Variants in SLC9B1 observed in about 807,000 individuals in gnomAD.
SLC9B1 encodes the protein sodium/hydrogen exchanger 9B1.
Under a neutral mutation model 51.7 loss-of-function variants are expected in SLC9B1, and 32 were observed. The observed-to-expected ratio is 0.62, with a 90% confidence interval of 0.47 to 0.83. The LOEUF (loss-of-function observed/expected upper bound fraction) is 0.83. Among genes scored for constraint, SLC9B1 ranks in the 40% least tolerant of loss-of-function variants. The pLI is 0.00. For missense variants in SLC9B1, 406 were observed against 613.2 expected, an observed-to-expected ratio of 0.66 and a Z score of 3.57; for synonymous variants, 145 against 212.7, an observed-to-expected ratio of 0.68 and a Z score of 2.77.
chr4:102,974,485 C>T (rs1738952494), intron 3 of SLC9B1, among the ~76,000 whole-genome samples: 1 of 151,852 alleles, frequency 6.6e-6, no homozygotes, highest in Admixed American at 6.6e-5. Context: ...TGAAATGTAA[C>T]ATAAAATATG....
At chr4:102,908,405 TACAC>T (rs1357108472) in intron 9 of SLC9B1, among the ~76,000 whole-genome samples, 2 of 83,276 alleles carry the variant, frequency 2.4e-5, no homozygotes, top group Admixed American at 1.3e-4. Context: ...TATATATACA[TACAC>T]ACACATCAGG....
chr4:102,996,524 G>T (rs1483556640), intron 1 of SLC9B1, among the ~76,000 whole-genome samples: 1 of 152,052 alleles, frequency 6.6e-6, no homozygotes, highest in Non-Finnish European at 1.5e-5. Flanking sequence ...CATAGGAAAG[G>T]AACAACAACA....
chr4:102,962,417 T>C (rs899651804), intron 3 of SLC9B1: 13 of 530,116 alleles, frequency 2.5e-5, no homozygotes, highest in Non-Finnish European at 4.6e-5. Flanking sequence ...TATTTTTTAA[T>C]GACAGAACTT....
intron 6 of SLC9B1, among the ~76,000 whole-genome samples, chr4:102,942,831 C>T (rs1737069038): frequency 6.6e-6 from 1 of 152,060 alleles, no homozygotes; most frequent in Non-Finnish European, 1.5e-5. Flanking sequence ...ATAGATGGGA[C>T]TTAATTAAAC....
chr4:102,947,944 C>T (rs1276363890), intron 4 of SLC9B1, among the ~76,000 whole-genome samples: 1 of 152,174 alleles, frequency 6.6e-6, no homozygotes, highest in Admixed American at 6.5e-5. Flanking sequence ...TAATTATTTA[C>T]TTAATTTTTG....
chr4:102,903,631 T>C (rs1274551260), intron 11 of SLC9B1, among the ~76,000 whole-genome samples: 1 of 152,270 alleles, frequency 6.6e-6, no homozygotes, highest in Non-Finnish European at 1.5e-5. Context: ...GGAGCTTCTG[T>C]TTTGGAATAA....
intron 3 of SLC9B1, among the ~76,000 whole-genome samples, chr4:102,965,057 G>A (rs1738350071): frequency 6.6e-6 from 1 of 152,042 alleles, no homozygotes; most frequent in Admixed American, 6.6e-5. Context: ...CTAAGAGGGT[G>A]GCTTAGCAAG....
intron 3 of SLC9B1, among the ~76,000 whole-genome samples, chr4:102,956,136 A>G (rs1737801185): frequency 6.6e-6 from 1 of 152,188 alleles, no homozygotes; most frequent in Non-Finnish European, 1.5e-5. Context: ...ACGACATTGC[A>G]CATGTGCTGT....
chr4:102,988,851 C>G (rs527297199), intron 3 of SLC9B1, among the ~76,000 whole-genome samples: 1 of 152,144 alleles, frequency 6.6e-6, no homozygotes, highest in African/African-American at 2.4e-5. Flanking sequence ...AGTTCCTGAG[C>G]AAACTGTAGT....
At chr4:102,891,849 T>C (rs1391499533) in intron 11 of SLC9B1, 1 of 152,226 alleles carries the variant, frequency 6.6e-6, no homozygotes, top group Non-Finnish European at 1.5e-5. Context: ...AAAAACCACA[T>C]GTGCAGCAGT....
chr4:102,995,659 C>G (rs1439328591), intron 1 of SLC9B1, among the ~76,000 whole-genome samples: 1 of 152,078 alleles, frequency 6.6e-6, no homozygotes, highest in Non-Finnish European at 1.5e-5. Context: ...ATATATCTGC[C>G]AAGAGTGGAA....
intron 1 of SLC9B1, among the ~76,000 whole-genome samples, chr4:103,009,918 A>ATT (rs36037588): frequency 6.6e-6 from 1 of 151,764 alleles, no homozygotes; most frequent in Non-Finnish European, 1.5e-5. Context: ...CTAGGTCAGT[A>ATT]TTTTTTTTAA....
intron 11 of SLC9B1, among the ~76,000 whole-genome samples, chr4:102,905,265 G>A (rs1166954830): frequency 1.4e-5 from 2 of 140,264 alleles, no homozygotes; most frequent in African/African-American, 5.3e-5. Flanking sequence ...CTGTCGCCCA[G>A]ACTGGAATAC....
chr4:102,985,223 T>C (rs1413113295), intron 3 of SLC9B1, among the ~76,000 whole-genome samples: 1 of 152,202 alleles, frequency 6.6e-6, no homozygotes, highest in Non-Finnish European at 1.5e-5. Context: ...AAAAAACACA[T>C]AGTTCGGTCT....
intron 7 of SLC9B1, among the ~76,000 whole-genome samples, chr4:102,921,009 T>G (rs1311226094): frequency 1.3e-5 from 2 of 152,198 alleles, no homozygotes; most frequent in Admixed American, 6.5e-5. Context: ...CCAGGAGAAC[T>G]TCCCCAACCT....
At chr4:102,966,174 G>A (rs7663876) in intron 3 of SLC9B1, among the ~76,000 whole-genome samples, 82,995 of 151,976 alleles carry the variant, frequency 0.55, 23,239 homozygotes, top group African/African-American at 0.68. Flanking sequence ...GATTCACTAG[G>A]TATTGCCCTG....
At chr4:102,954,743 T>C (rs553800247) in intron 3 of SLC9B1, among the ~76,000 whole-genome samples, 1 of 152,108 alleles carries the variant, frequency 6.6e-6, no homozygotes, top group South Asian at 2.1e-4. Context: ...AAATATGACA[T>C]AGAACCAAAA....
chr4:102,948,677 G>A (rs1204442549), intron 4 of SLC9B1, among the ~76,000 whole-genome samples: 1 of 152,124 alleles, frequency 6.6e-6, no homozygotes, highest in Non-Finnish European at 1.5e-5. Flanking sequence ...CATGGATAAA[G>A]CTGAACACCA....
At chr4:102,995,574 G>T (rs1486692595) in intron 1 of SLC9B1, among the ~76,000 whole-genome samples, 1 of 152,172 alleles carries the variant, frequency 6.6e-6, no homozygotes, top group Non-Finnish European at 1.5e-5. Context: ...TAGATGCACA[G>T]GTTAATAGCT....
Sources: allele counts gnomAD v4.1 joint callset (sites outside exome capture counted in the v4.1 genomes callset), GRCh38; gene constraint gnomAD v4.1.1; transcripts MANE v1.5; gene names NCBI Gene and HGNC (gene_info 2026-07-23, HGNC 2026-07-21).